Variants in OCIAD2 observed in about 807,000 individuals in gnomAD.
The protein encoded by OCIAD2 is OCIA domain-containing protein 2.
In OCIAD2, 29 loss-of-function variants were observed where a neutral mutation model predicts 22.9. The ratio of observed to expected loss-of-function variants is 1.27; its 90% CI spans 0.94 to 1.73. OCIAD2 has a LOEUF of 1.73. OCIAD2 is among the 40% of genes most tolerant of loss of function. OCIAD2 has a pLI of 0.00. For synonymous variants in OCIAD2, 67 were observed against 60.2 expected (o/e 1.11, Z -0.52); for missense variants, 189 against 180.3 (o/e 1.05, Z -0.28).
intron 2 of OCIAD2, among the ~76,000 whole-genome samples, chr4:48,900,846 G>A (rs534393233): frequency 2.6e-5 from 4 of 152,076 alleles, no homozygotes; most frequent in African/African-American, 4.8e-5. Context: ...TGCCCTCATC[G>A]GCCTTCCAAA....
chr4:48,903,909 T>C (rs2109686033), intron 2 of OCIAD2, among the ~76,000 whole-genome samples: 1 of 152,102 alleles, frequency 6.6e-6, no homozygotes, highest in Admixed American at 6.5e-5. Context: ...CCTCCCAAAG[T>C]GCTGGGATTA....
chr4:48,895,318 T>A (rs1369606508), intron 4 of OCIAD2, among the ~76,000 whole-genome samples: 1 of 152,236 alleles, frequency 6.6e-6, no homozygotes, highest in Non-Finnish European at 1.5e-5. Flanking sequence ...AAAAATGTAT[T>A]AGCATAGATG....
chr4:48,903,700 C>CAGCGG (rs1328895481), intron 2 of OCIAD2, among the ~76,000 whole-genome samples: 2 of 143,030 alleles, frequency 1.4e-5, no homozygotes, highest in South Asian at 2.2e-4. Context: ...GGCTGGAGTG[C>CAGCGG]AGCGGCCTGA....
At position 48,894,016 on chromosome 4, in the gene OCIAD2, G is replaced by C; in HGVS notation, c.255C>G (p.Pro85=). ...ATTTCTATGACTTACGTGCAACTTT[G>C]GGCAATGATCCAAATCTAGAATTAG... is the stretch of plus-strand genomic sequence containing the variant. ...LAANSRFGSL[P]KVALAGLLGF... is the part of the protein sequence containing the mutation. Residue 85 remains proline, a synonymous_variant, in exon 5 of 7, where the codon CCC becomes CCG. Transcript: ENST00000508632. The C allele has an allele frequency of 6.6e-7, 1 of 1,516,876 alleles. No homozygotes were observed. The allele number at this position is 1,516,876 out of a possible 1,614,324, so 94.0% of individuals were successfully genotyped here.
In OCIAD2 at chr4:48,885,456, A is replaced by G. The variant is rs763674089; in HGVS notation, c.*28T>C. The G allele has an allele frequency of 3.7e-6, 5 of 1,354,710 alleles. No individual in the cohort carries two copies. Among genetic ancestry groups the G allele is most frequent in the Non-Finnish European group, 5.3e-6 (5 of 949,266 alleles). 83.9% of individuals were successfully genotyped at this position (1,354,710 alleles called of 1,614,324 possible). A position where few individuals can be genotyped will look rare whatever the true frequency, so the allele number is the denominator to read the frequency against. On this transcript the variant is annotated 3_prime_UTR_variant, in exon 7 of 7. Coordinates refer to ENST00000508632, the MANE Select transcript of OCIAD2 (RefSeq NM_001014446.3). ...AATGTGTACAAATTCAGAGGTTTAA[A>G]AAACTTCGAAAGTCACAGACACAGA...
chr4:48,889,737 C>T (rs1781110414), intron 6 of OCIAD2, among the ~76,000 whole-genome samples: 1 of 152,156 alleles, frequency 6.6e-6, no homozygotes, highest in Non-Finnish European at 1.5e-5. Flanking sequence ...ACCATTTGAC[C>T]CAACCATCCC....
Position 48,897,818 on chromosome 4 carries a change from C to G in OCIAD2, c.203G>C (p.Gly68Ala). The G allele has an allele frequency of 1.2e-6, 2 of 1,611,488 alleles. No homozygotes were observed. Among genetic ancestry groups the G allele is most frequent in the Non-Finnish European group, 1.7e-6 (2 of 1,177,792 alleles). Residue 68 changes from glycine (G) to alanine (A), a missense_variant, in exon 4 of 7, where the codon GGA becomes GCA. Physicochemically the swap from Gly to Ala is moderately conservative, Grantham distance 60 (BLOSUM62 0). Coordinates refer to ENST00000508632, the MANE Select transcript of OCIAD2 (RefSeq NM_001014446.3). ...FSLVSMLVTQGLVYQGYLAAN... is the reference protein window; with the variant it reads ...FSLVSMLVTQALVYQGYLAAN... The stretch of plus-strand genomic sequence containing the variant: ...TTGAATCTTACCTTGGTAGACTAGT[C>G]CCTGGGTGACAAGCATGCTTACAAG...
intron 5 of OCIAD2, 163 bp downstream of exon 5, chr4:48,893,843 A>G: frequency 2.8e-6 from 1 of 357,448 alleles, no homozygotes; most frequent in Non-Finnish European, 5.1e-6. Context: ...GTTTTTATTT[A>G]TTTATTACTT....
At chr4:48,902,109 G>A (rs550280478) in intron 2 of OCIAD2, among the ~76,000 whole-genome samples, 1 of 151,942 alleles carries the variant, frequency 6.6e-6, no homozygotes, top group African/African-American at 2.4e-5. Context: ...CCTTACTATA[G>A]AAGTCACACT....
intron 4 of OCIAD2, among the ~76,000 whole-genome samples, chr4:48,895,749 C>T (rs1490754910): frequency 6.6e-6 from 1 of 152,142 alleles, no homozygotes; most frequent in Non-Finnish European, 1.5e-5. Context: ...TGCGGTGGCT[C>T]TTGCCTGCAA....
chr4:48,888,277 T>C (rs1462330714), intron 6 of OCIAD2, among the ~76,000 whole-genome samples: 1 of 152,230 alleles, frequency 6.6e-6, no homozygotes, highest in Admixed American at 6.5e-5. Context: ...TCATGTCATC[T>C]GCAAATAGGA....
intron 6 of OCIAD2, among the ~76,000 whole-genome samples, chr4:48,885,828 G>T (rs1192227399): frequency 5.3e-5 from 8 of 152,106 alleles, no homozygotes; most frequent in African/African-American, 1.9e-4. Flanking sequence ...AAGTTCACTA[G>T]CCTTGTTTTT....
chr4:48,905,760 G>GA (rs1781510803), intron 1 of OCIAD2, among the ~76,000 whole-genome samples: 1 of 152,206 alleles, frequency 6.6e-6, no homozygotes, highest in Admixed American at 6.5e-5. Flanking sequence ...TTCATCACAG[G>GA]TGTCTAATGT....
At chr4:48,902,065 C>A (rs185380547) in intron 2 of OCIAD2, among the ~76,000 whole-genome samples, 65 of 152,188 alleles carry the variant, frequency 4.3e-4, no homozygotes, top group African/African-American at 1.5e-3. Flanking sequence ...CCATGCCTAG[C>A]CCCATTAAGT....
chr4:48,899,376 C>T (rs555479738), intron 3 of OCIAD2, among the ~76,000 whole-genome samples: 2 of 152,254 alleles, frequency 1.3e-5, no homozygotes, highest in South Asian at 2.1e-4. Flanking sequence ...TAATGGAACG[C>T]GGCCATTCTT....
chr4:48,895,658 C>T (rs1401156717), intron 4 of OCIAD2, among the ~76,000 whole-genome samples: 4 of 152,158 alleles, frequency 2.6e-5, no homozygotes, highest in Admixed American at 6.6e-5. Context: ...AAATTTCACC[C>T]TGAGTTTTGA....
intron 6 of OCIAD2, 129 bp from the exon 7 acceptor site, chr4:48,885,694 G>A: frequency 3.3e-6 from 2 of 603,126 alleles, no homozygotes; most frequent in Admixed American, 3.0e-5. Flanking sequence ...GTCTATCTAT[G>A]TTGCCCAGGC....
Position 48,893,043 on chromosome 4 carries a change from A to G in OCIAD2, c.266-154T>C, listed in dbSNP as rs1178974330. The G allele has an allele frequency of 1.3e-5, 7 of 526,558 alleles. No individual in the cohort carries two copies. In the East Asian group the frequency reaches 2.0e-4, roughly 15 times the overall value. 32.6% of individuals were successfully genotyped at this position (526,558 alleles called of 1,614,324 possible). A position where few individuals can be genotyped will look rare whatever the true frequency, so the allele number is the denominator to read the frequency against. ...AGAATGAAGTCTCTATTTAAAAAGA[A>G]CAGGATTGGGAACTGGAGACTTCCC... is the stretch of plus-strand genomic sequence containing the variant. On this transcript the variant is annotated intron_variant, in intron 5 of 6. Coordinates refer to ENST00000508632, the MANE Select transcript of OCIAD2 (RefSeq NM_001014446.3).
chr4:48,886,007 A>G (rs1158365252), intron 6 of OCIAD2, among the ~76,000 whole-genome samples: 4 of 152,150 alleles, frequency 2.6e-5, no homozygotes, highest in Non-Finnish European at 5.9e-5. Context: ...GCCCATGCCT[A>G]TGTCCTGAAT....
Sources: allele counts gnomAD v4.1 joint callset (sites outside exome capture counted in the v4.1 genomes callset), GRCh38; gene constraint gnomAD v4.1.1; transcripts MANE v1.5; gene names NCBI Gene and HGNC (gene_info 2026-07-23, HGNC 2026-07-21).